The following DYNC2I1 variants were observed in gnomAD, a reference collection of about 807,000 sequenced individuals.
The protein encoded by DYNC2I1 is cytoplasmic dynein 2 intermediate chain 1.
A neutral mutation model predicts 133.4 loss-of-function variants in DYNC2I1; 89 were observed. The observed-to-expected ratio is 0.67, with a 90% CI of 0.56 to 0.80. DYNC2I1 has a LOEUF of 0.80. Among genes scored for constraint, DYNC2I1 ranks in the 30% least tolerant of loss-of-function variants. The pLI is 0.00. For missense variants in DYNC2I1, 1,291 were observed against 1,314.5 expected (o/e 0.98, Z 0.28); for synonymous variants, 504 against 484.3 (o/e 1.04, Z -0.54).
chr7:158,902,843 T>G, intron 10 of DYNC2I1: 4 of 455,108 alleles, frequency 8.8e-6, no homozygotes, highest in Non-Finnish European at 1.2e-5. Context: ...ACCCAGGCCT[T>G]AGGTTAGCTG....
At chr7:158,958,649 G>A (rs528312146), downstream of DYNC2I1, among the ~76,000 whole-genome samples, 2 of 152,366 alleles carry the variant, frequency 1.3e-5, no homozygotes, top group South Asian at 4.1e-4. Flanking sequence ...AGCCAGAAAG[G>A]CTACCTTTGC....
chr7:158,934,589 TTTG>T, intron 23 of DYNC2I1, 40 bp downstream of exon 23: 1 of 1,541,694 alleles, frequency 6.5e-7, no homozygotes, highest in African/African-American at 1.4e-5. Flanking sequence ...TTCTTCTTTT[TTTG>T]TTTTTTGAGA....
chr7:158,922,433 G>C lies in DYNC2I1; in HGVS notation c.1978G>C (p.Val660Leu), dbSNP rs374436641. The C allele has an allele frequency of 2.5e-6, 4 of 1,613,882 alleles. No homozygotes were observed. In the African/African-American group the frequency reaches 5.3e-5, roughly 22 times the overall value. The change falls in exon 16 of 25, where the codon GTT becomes CTT. Residue 660 changes from valine (V) to leucine (L), a missense_variant. By Grantham distance (32) the Val-to-Leu change is conservative (BLOSUM62 1). Coordinates refer to ENST00000407559, the MANE Select transcript of DYNC2I1 (RefSeq NM_018051.5). ...SRVQRQMVVS[V>L]HDLPEKSFVP... ...AGTTCAGAGGCAGATGGTGGTCTCC[G>C]TTCACGACTTACCCGAGAAGAGCTT...
rs865819019 is a variant in DYNC2I1, at chr7:158,934,896, A to C, written c.2778+347A>C. Among the ~76,000 whole-genome samples, 6 of 152,388 alleles carry C rather than the reference A, an allele frequency of 3.9e-5. No individual in the cohort carries two copies. The Middle Eastern group carries it at 0.01, about 259-fold the overall frequency. Reference sequence around the variant, plus strand: ...AAATTTTAAAAGTTAATCATTTACTAGAGCACAAATTGGTCATTTATGGGG... The same window carrying C: ...AAATTTTAAAAGTTAATCATTTACTCGAGCACAAATTGGTCATTTATGGGG... On this transcript the variant is annotated intron_variant, in intron 23 of 24. Transcript: ENST00000407559.
the DYNC2I1 span, among the ~76,000 whole-genome samples, chr7:158,840,248 CA>C: frequency 2.7e-4 from 39 of 142,166 alleles, no homozygotes; most frequent in Middle Eastern, 3.6e-3. Flanking sequence ...ACATTGTCTA[CA>C]AAAAAAAAAA....
chr7:158,856,603 C>CAGTGCTTCTGGGCCCTCTGT lies in DYNC2I1; in HGVS notation c.-133_-132insAGTGCTTCTGGGCCCTCTGT. On this transcript the variant is annotated 5_prime_UTR_variant, in exon 1 of 25. Transcript: ENST00000407559. ...CTGGGCAGTGCTTCTGGGCCCTCTG[C>CAGTGCTTCTGGGCCCTCTGT]TGCTCCTGCTTGTCGGTTGCTAGGC... 1.1e-6 allele frequency: 1 copy of CAGTGCTTCTGGGCCCTCTGT among 950,052 alleles called. No individual in the cohort carries two copies. The highest frequency in any genetic ancestry group is 1.4e-6 in the Non-Finnish European group (1 of 732,066). 58.9% of individuals were successfully genotyped at this position (950,052 alleles called of 1,614,324 possible). A position where few individuals can be genotyped will look rare whatever the true frequency, so the allele number is the denominator to read the frequency against.
intron 1 of DYNC2I1, among the ~76,000 whole-genome samples, chr7:158,866,570 C>T (rs2129476804): frequency 6.6e-6 from 1 of 152,000 alleles, no homozygotes; most frequent in East Asian, 1.9e-4. Flanking sequence ...TATATTAAAC[C>T]TCTCTGTAGG....
At chr7:158,949,394 G>T (rs191218877), downstream of DYNC2I1, among the ~76,000 whole-genome samples, 14 of 152,366 alleles carry the variant, frequency 9.2e-5, no homozygotes, top group East Asian at 2.7e-3. Context: ...GTCTGCCTGG[G>T]CAGGACTGTA....
intron 8 of DYNC2I1, 59 bp downstream of exon 8, chr7:158,891,392 A>C: frequency 6.3e-7 from 1 of 1,594,456 alleles, no homozygotes; most frequent in African/African-American, 1.3e-5. Context: ...ACCCACTCAC[A>C]TTTGCTTGCT....
At chr7:158,951,160 T>C (rs1184030763), downstream of DYNC2I1, among the ~76,000 whole-genome samples, 2 of 152,272 alleles carry the variant, frequency 1.3e-5, no homozygotes, top group Admixed American at 6.5e-5. Context: ...TTTTGTCTCT[T>C]GGGAATGTGG....
chr7:158,876,713 GA>G, intron 4 of DYNC2I1, 22 bp downstream of exon 4: 1 of 1,529,448 alleles, frequency 6.5e-7, no homozygotes, highest in Non-Finnish European at 8.7e-7. Flanking sequence ...AAGGCCTGGG[GA>G]AAAGTTTTCC....
intron 8 of DYNC2I1, 94 bp from the exon 9 acceptor site, chr7:158,901,645 G>C: frequency 1.3e-6 from 1 of 778,632 alleles, no homozygotes; most frequent in Non-Finnish European, 2.1e-6. Flanking sequence ...AACATCAAAG[G>C]AATGTCAGAA....
At chr7:158,858,581 C>T (rs1841538330) in intron 1 of DYNC2I1, among the ~76,000 whole-genome samples, 1 of 152,188 alleles carries the variant, frequency 6.6e-6, no homozygotes. Context: ...ATGATGTCTT[C>T]TAGCTTATTA....
At chr7:158,899,781 A>G (rs564500757) in intron 8 of DYNC2I1, among the ~76,000 whole-genome samples, 15 of 152,252 alleles carry the variant, frequency 9.9e-5, no homozygotes, top group South Asian at 4.1e-4. Flanking sequence ...GCCTCCTGCC[A>G]TGATTCTGAG....
At chr7:158,862,099 G>A (rs1197139843) in intron 1 of DYNC2I1, among the ~76,000 whole-genome samples, 1 of 152,138 alleles carries the variant, frequency 6.6e-6, no homozygotes, top group East Asian at 1.9e-4. Flanking sequence ...GCCATGCAGG[G>A]TTAGTGAAGC....
At chr7:158,944,045 G>A (rs936149280) in intron 24 of DYNC2I1, among the ~76,000 whole-genome samples, 11 of 152,214 alleles carry the variant, frequency 7.2e-5, no homozygotes, top group Non-Finnish European at 1.0e-4. Flanking sequence ...GTTAGACAGA[G>A]AAACAGAACA....
chr7:158,845,234 T>C, the DYNC2I1 span, among the ~76,000 whole-genome samples: 1 of 152,146 alleles, frequency 6.6e-6, no homozygotes, highest in African/African-American at 2.4e-5. Flanking sequence ...TAGGATTTTT[T>C]TTTGTATGGT....
intron 9 of DYNC2I1, 44 bp downstream of exon 9, chr7:158,901,860 A>G (rs770220174): frequency 7.2e-7 from 1 of 1,386,020 alleles, no homozygotes; most frequent in South Asian, 1.4e-5. Context: ...AAAATCATTT[A>G]TTCTTAAAAA....
chr7:158,895,660 A>C (rs1319577690), intron 8 of DYNC2I1, among the ~76,000 whole-genome samples: 2 of 152,224 alleles, frequency 1.3e-5, no homozygotes, highest in Non-Finnish European at 2.9e-5. Flanking sequence ...TCGGTTTGCC[A>C]ATATTCATAC....
Sources: allele counts gnomAD v4.1 joint callset (sites outside exome capture counted in the v4.1 genomes callset), GRCh38; gene constraint gnomAD v4.1.1; transcripts MANE v1.5; gene names NCBI Gene and HGNC (gene_info 2026-07-23, HGNC 2026-07-21).